SCN7A: variants seen among roughly 807,000 people sequenced by gnomAD.
SCN7A encodes sodium channel protein type 7 subunit alpha.
Under a neutral mutation model 155.2 loss-of-function variants are expected in SCN7A, and 138 were observed. The observed-to-expected ratio is 0.89, with a 90% CI of 0.77 to 1.02. The LOEUF (loss-of-function observed/expected upper bound fraction) is 1.02, where lower values mean the gene tolerates loss of function less well. Ranked by LOEUF, SCN7A falls within the 50% of genes least tolerant of loss-of-function variation. The probability of loss-of-function intolerance (pLI) is 0.00; values close to 1 mark genes in which losing one functional copy is unlikely to be tolerated. For missense variants in SCN7A, 2,058 were observed against 1,986.6 expected, an observed-to-expected ratio of 1.04 and a Z score of -0.68; for synonymous variants, 693 against 649.0, an observed-to-expected ratio of 1.07 and a Z score of -1.03.
At chr2:166,441,200 T>A in intron 15 of SCN7A, 196 bp downstream of exon 15, 1 of 467,212 alleles carries the variant, frequency 2.1e-6, no homozygotes, top group Non-Finnish European at 3.7e-6. Flanking sequence ...TCAAATCTGG[T>A]GCATATTCTA....
At position 166,446,042 on chromosome 2, in the gene SCN7A, T is replaced by C. The variant is rs901790233; in HGVS notation, c.1388-1042A>G. On this transcript the variant is annotated intron_variant, in intron 12 of 25. Coordinates refer to ENST00000643258, the MANE Select transcript of SCN7A (RefSeq NM_002976.4). ...ATTGACAAATGGGATCTAATTAAAC[T>C]AAAGAGCTTCTGCACAGCAAAAGAA... Among the ~76,000 whole-genome samples, 9 of 152,188 alleles carry C rather than the reference T, an allele frequency of 5.9e-5. No homozygotes were observed. The East Asian group carries it at 1.4e-3, about 23-fold the overall frequency.
At position 166,473,787 on chromosome 2, in the gene SCN7A, T is replaced by C; in HGVS notation, c.443+12A>G. 7.8e-6 allele frequency: 8 copies of C among 1,024,648 alleles called. No homozygotes were observed. The highest frequency in any genetic ancestry group is 1.1e-5 in the Non-Finnish European group (8 of 742,078). The allele number at this position is 1,024,648 out of a possible 1,614,324, so 63.5% of individuals were successfully genotyped here. On this transcript the variant is annotated intron_variant, in intron 5 of 25. Transcript: ENST00000643258. Reference sequence around the variant, plus strand: ...TATATGATATTATGTATAAAATAATTATATAACATACTCTAATACTGGTCT... The same window carrying C: ...TATATGATATTATGTATAAAATAATCATATAACATACTCTAATACTGGTCT...
intron 3 of SCN7A, among the ~76,000 whole-genome samples, chr2:166,475,977 A>G (rs35405768): frequency 0.13 from 19,389 of 151,910 alleles, 1,359 homozygotes; most frequent in Middle Eastern, 0.16. Flanking sequence ...CCATGTCTGT[A>G]CATGCAGCAG....
chr2:166,446,915 C>T (rs1392790315), intron 12 of SCN7A, among the ~76,000 whole-genome samples: 2 of 152,068 alleles, frequency 1.3e-5, no homozygotes, highest in East Asian at 1.9e-4. Flanking sequence ...GGAAAAGTGC[C>T]TAATGCATGC....
At chr2:166,417,082 T>TA in intron 20 of SCN7A, 97 bp from the exon 21 acceptor site, 1 of 973,326 alleles carries the variant, frequency 1.0e-6, no homozygotes, top group South Asian at 1.9e-5. Flanking sequence ...AATAACATAT[T>TA]TAAAAAAAAA....
At chr2:166,428,447 G>A (rs1268264004) in intron 17 of SCN7A, among the ~76,000 whole-genome samples, 1 of 151,978 alleles carries the variant, frequency 6.6e-6, no homozygotes, top group Non-Finnish European at 1.5e-5. Context: ...CATGAAAATG[G>A]GAATTTTTAT....
chr2:166,448,663 T>G (rs1702116357), intron 11 of SCN7A, among the ~76,000 whole-genome samples: 1 of 152,158 alleles, frequency 6.6e-6, no homozygotes, highest in Non-Finnish European at 1.5e-5. Flanking sequence ...TAAATAAAAT[T>G]TTATACTGTG....
At chr2:166,414,078 A>AATATATATAAATATATT (rs1701272927) in intron 21 of SCN7A, among the ~76,000 whole-genome samples, 3 of 39,728 alleles carry the variant, frequency 7.6e-5, no homozygotes, top group East Asian at 1.2e-3. Flanking sequence ...TATATATGTA[A>AATATATATAAATATATT]ATATATGTAA....
intron 3 of SCN7A, among the ~76,000 whole-genome samples, chr2:166,475,121 C>CGTATAT (rs1553520555): frequency 2.0e-5 from 2 of 102,222 alleles, no homozygotes; most frequent in African/African-American, 8.1e-5. Context: ...TATATATATA[C>CGTATAT]ATATATATAT....
rs1701392950 is a variant in SCN7A at position 166,416,994 on chromosome 2, T to C, written c.3136-9A>G. 3 of 1,548,700 alleles carry C rather than the reference T, an allele frequency of 1.9e-6. No individual in the cohort carries two copies. Among genetic ancestry groups the C allele is most frequent in the African/African-American group, 1.4e-5 (1 of 72,454 alleles). On this transcript the variant is annotated splice_polypyrimidine_tract_variant and intron_variant, in intron 20 of 25. Transcript: ENST00000643258. ...AAAGCTCTCACAACCACCTGGTATA[T>C]ATAAAAAATGTAAACTTTAGATAGG...
chr2:166,415,144 C>T (rs1334904293), intron 21 of SCN7A, among the ~76,000 whole-genome samples: 1 of 148,916 alleles, frequency 6.7e-6, no homozygotes, highest in Admixed American at 6.8e-5. Context: ...GGGCCAGTAT[C>T]TGTATTTCCT....
At chr2:166,481,636 C>T (rs577020491) in intron 2 of SCN7A, among the ~76,000 whole-genome samples, 48 of 152,174 alleles carry the variant, frequency 3.2e-4, no homozygotes, top group African/African-American at 1.1e-3. Flanking sequence ...GGAGGCAGTC[C>T]GTCTCTACTG....
At chr2:166,458,326 CA>C (rs71395231) in intron 10 of SCN7A, among the ~76,000 whole-genome samples, 1,872 of 97,838 alleles carry the variant, frequency 0.019, 21 homozygotes, top group East Asian at 0.055. Flanking sequence ...GACCATGTAT[CA>C]AAAAAAAAAA....
At chr2:166,474,926 A>T (rs983138045) in intron 3 of SCN7A, among the ~76,000 whole-genome samples, 3 of 151,282 alleles carry the variant, frequency 2.0e-5, no homozygotes, top group Non-Finnish European at 4.4e-5. Flanking sequence ...AAGCATTAAA[A>T]TTCTAACAAA....
chr2:166,457,993 C>A (rs1702322203), intron 10 of SCN7A, among the ~76,000 whole-genome samples: 1 of 152,018 alleles, frequency 6.6e-6, no homozygotes, highest in South Asian at 2.1e-4. Flanking sequence ...AATTTCTTGA[C>A]CTAGAGTCTA....
intron 9 of SCN7A, 66 bp downstream of exon 9, chr2:166,465,396 T>C (rs1702506190): frequency 9.3e-6 from 10 of 1,079,440 alleles, no homozygotes; most frequent in East Asian, 2.5e-5. Flanking sequence ...GTAAAAGCAA[T>C]AGTCCTTCAT....
chr2:166,462,598 T>C, intron 9 of SCN7A, 68 bp from the exon 10 acceptor site: 1 of 1,466,084 alleles, frequency 6.8e-7, no homozygotes, highest in Non-Finnish European at 9.4e-7. Flanking sequence ...AAATCATAAA[T>C]ATAGAACATC....
intron 5 of SCN7A, 86 bp from the exon 6 acceptor site, chr2:166,472,531 C>T (rs1343472552): frequency 3.2e-5 from 36 of 1,134,024 alleles, no homozygotes; most frequent in Middle Eastern, 2.1e-4. Flanking sequence ...AACTAGCTGG[C>T]ATTTAAGAAT....
Position 166,447,685 on chromosome 2 carries a change from C to T in SCN7A, c.1314G>A (p.Met438Ile), listed in dbSNP as rs868229903. 1 of 1,612,914 alleles carries T rather than the reference C, an allele frequency of 6.2e-7. No individual in the cohort carries two copies. Among genetic ancestry groups the T allele is most frequent in the Non-Finnish European group, 8.5e-7 (1 of 1,179,214 alleles). The change falls in exon 12 of 26, where the codon ATG becomes ATA. Residue 438 changes from methionine to isoleucine, a missense_variant. Coordinates refer to ENST00000643258, the MANE Select transcript of SCN7A (RefSeq NM_002976.4). ...TDEAKTIQIE[M>I]KKRSPISTDT... ...CTGTGGAAATTGGTGACCTTTTCTT[C>T]ATTTCTATTTGTATGGTCTTGGCCT...
Sources: allele counts gnomAD v4.1 joint callset (sites outside exome capture counted in the v4.1 genomes callset), GRCh38; gene constraint gnomAD v4.1.1; transcripts MANE v1.5; gene names NCBI Gene and HGNC (gene_info 2026-07-23, HGNC 2026-07-21).